Variants in KIAA1328 observed in about 807,000 individuals in gnomAD.
KIAA1328 encodes KIAA1328, also known as protein hinderin.
In KIAA1328, 52 loss-of-function variants were observed where a neutral mutation model predicts 68.1. The ratio of observed to expected loss-of-function variants is 0.76; its 90% CI spans 0.61 to 0.96. The LOEUF is 0.96. KIAA1328 is among the 40% of genes least tolerant of loss of function. The pLI is 0.00. For missense variants in KIAA1328, 641 were observed against 677.6 expected (o/e 0.95, Z 0.60); for synonymous variants, 232 against 239.4 (o/e 0.97, Z 0.28).
In KIAA1328 at chr18:37,057,427, A is replaced by AT. The variant is rs529618213; in HGVS notation, c.577-9445dup. Among the ~76,000 whole-genome samples, 812 of 137,998 alleles carry AT rather than the reference A, an allele frequency of 5.9e-3. 7 individuals carry two copies. The highest frequency in any genetic ancestry group is 0.023 in the Admixed American group (313 of 13,872). The allele number at this position is 137,998 out of a possible 152,430, so 90.5% of individuals were successfully genotyped here. On this transcript the variant is annotated intron_variant, in intron 6 of 9. Transcript: ENST00000280020. The stretch of plus-strand genomic sequence containing the variant: ...TTCATGAAATTGGAAAATTGCATGA[A>AT]TTTTTTTTTTTTTTTTTTGAGACAC...
chr18:37,187,302 C>T (rs1292540118), intron 9 of KIAA1328, among the ~76,000 whole-genome samples: 2 of 152,134 alleles, frequency 1.3e-5, no homozygotes, highest in South Asian at 2.1e-4. Flanking sequence ...CTGTTTCTTC[C>T]GATGGGAAAG....
chr18:36,995,624 G>A (rs781563002), intron 6 of KIAA1328, among the ~76,000 whole-genome samples: 34 of 152,032 alleles, frequency 2.2e-4, no homozygotes, highest in Non-Finnish European at 4.1e-4. Context: ...TTACTGACAC[G>A]GTAGTAAAAC....
intron 6 of KIAA1328, among the ~76,000 whole-genome samples, chr18:37,041,091 C>A (rs1282465174): frequency 6.6e-6 from 1 of 151,822 alleles, no homozygotes; most frequent in Non-Finnish European, 1.5e-5. Context: ...TTGTTCAAAT[C>A]TTTTATACTT....
chr18:37,216,869 T>TTTACCATTC (rs2060446196), intron 9 of KIAA1328, among the ~76,000 whole-genome samples: 1 of 151,842 alleles, frequency 6.6e-6, no homozygotes, highest in Admixed American at 6.6e-5. Context: ...AATTGATCCC[T>TTTACCATTC]TTACCATTCT....
At chr18:37,150,067 A>C (rs1207375551) in intron 7 of KIAA1328, among the ~76,000 whole-genome samples, 1 of 152,188 alleles carries the variant, frequency 6.6e-6, no homozygotes, top group African/African-American at 2.4e-5. Context: ...AAAAAGTAGA[A>C]AATTTGAATA....
At chr18:37,111,302 C>T (rs1318282250) in intron 7 of KIAA1328, among the ~76,000 whole-genome samples, 1 of 152,140 alleles carries the variant, frequency 6.6e-6, no homozygotes, top group Admixed American at 6.5e-5. Flanking sequence ...TCAGGTCTGC[C>T]TTTAAGGCTT....
chr18:36,903,800 A>G (rs527873146), intron 5 of KIAA1328: 1 of 152,260 alleles, frequency 6.6e-6, no homozygotes, highest in East Asian at 1.9e-4. Context: ...GTGCAAAGCT[A>G]AAGTGACCCT....
At chr18:37,028,832 G>A (rs1231029055) in intron 6 of KIAA1328, among the ~76,000 whole-genome samples, 2 of 152,070 alleles carry the variant, frequency 1.3e-5, no homozygotes, top group Admixed American at 6.6e-5. Context: ...GTATTAAGTT[G>A]CATATGTTGA....
chr18:37,145,281 A>G (rs1013511455), intron 7 of KIAA1328, among the ~76,000 whole-genome samples: 3 of 151,892 alleles, frequency 2.0e-5, no homozygotes, highest in African/African-American at 7.3e-5. Flanking sequence ...GATTTTTTTT[A>G]TTTTTAGTTT....
intron 3 of KIAA1328, among the ~76,000 whole-genome samples, chr18:36,837,289 G>T (rs1347172083): frequency 6.6e-6 from 1 of 152,138 alleles, no homozygotes; most frequent in Non-Finnish European, 1.5e-5. Context: ...GGCCACCCTA[G>T]TGGGTGTGAA....
At chr18:36,930,922 C>A (rs541403863) in intron 5 of KIAA1328, among the ~76,000 whole-genome samples, 32 of 152,158 alleles carry the variant, frequency 2.1e-4, no homozygotes, top group African/African-American at 7.5e-4. Flanking sequence ...AATTCCATAG[C>A]AACTAATAAT....
chr18:37,208,728 G>C (rs956388477), intron 9 of KIAA1328, among the ~76,000 whole-genome samples: 1 of 152,130 alleles, frequency 6.6e-6, no homozygotes, highest in Admixed American at 6.5e-5. Flanking sequence ...TTGACCTGAA[G>C]AAAGAGCCAG....
At chr18:36,880,940 T>A (rs1354125508) in intron 4 of KIAA1328, among the ~76,000 whole-genome samples, 2 of 152,216 alleles carry the variant, frequency 1.3e-5, no homozygotes, top group Non-Finnish European at 2.9e-5. Flanking sequence ...AGACATATTA[T>A]CTTTTTATAT....
chr18:36,973,850 C>CACACACACACACACACAT (rs983579773), intron 6 of KIAA1328, among the ~76,000 whole-genome samples: 8 of 149,154 alleles, frequency 5.4e-5, no homozygotes, highest in African/African-American at 1.5e-4. Flanking sequence ...CACACACACA[C>CACACACACACACACACAT]ATATATATCT....
At chr18:36,869,667 G>T (rs1032543735) in intron 4 of KIAA1328, among the ~76,000 whole-genome samples, 1 of 152,102 alleles carries the variant, frequency 6.6e-6, no homozygotes, top group Admixed American at 6.5e-5. Context: ...TATGCCTGTT[G>T]TAGTGAATTT....
intron 4 of KIAA1328, among the ~76,000 whole-genome samples, chr18:36,876,214 T>G (rs1252376518): frequency 1.3e-5 from 2 of 152,136 alleles, no homozygotes; most frequent in African/African-American, 4.8e-5. Flanking sequence ...TCTTTTTCTA[T>G]TGTTTGGAAT....
intron 6 of KIAA1328, among the ~76,000 whole-genome samples, chr18:36,971,234 A>G (rs920705503): frequency 1.3e-5 from 2 of 152,220 alleles, no homozygotes; most frequent in African/African-American, 4.8e-5. Context: ...TTGGAAAACT[A>G]TGTAGCCCTA....
chr18:37,210,673 C>A (rs1328694582), intron 9 of KIAA1328, among the ~76,000 whole-genome samples: 1 of 152,204 alleles, frequency 6.6e-6, no homozygotes, highest in African/African-American at 2.4e-5. Context: ...GAGTAAAACA[C>A]ACTGCTCACA....
At chr18:37,187,284 G>A (rs962034051) in intron 9 of KIAA1328, among the ~76,000 whole-genome samples, 5 of 152,118 alleles carry the variant, frequency 3.3e-5, no homozygotes, top group African/African-American at 9.7e-5. Context: ...AATGTTGTAC[G>A]TGAGAGGCTG....
Sources: allele counts gnomAD v4.1 joint callset (sites outside exome capture counted in the v4.1 genomes callset), GRCh38; gene constraint gnomAD v4.1.1; transcripts MANE v1.5; gene names NCBI Gene and HGNC (gene_info 2026-07-23, HGNC 2026-07-21).